Variants in SEC14L2 observed in about 807,000 individuals in gnomAD.
SEC14L2 encodes the protein SEC14-like protein 2.
SEC14L2 carries 50 observed loss-of-function variants against 56.9 expected under a neutral mutation model. The observed-to-expected ratio is 0.88, with a 90% confidence interval of 0.70 to 1.11. SEC14L2 has a LOEUF of 1.11. Among genes scored for constraint, SEC14L2 ranks in the 50% most tolerant of loss-of-function variants. The pLI is 0.00. For synonymous variants in SEC14L2, 179 were observed against 188.5 expected (o/e 0.95, Z 0.41); for missense variants, 414 against 500.7 (o/e 0.83, Z 1.65).
In SEC14L2 at chr22:30,409,253, T is replaced by C; in HGVS notation, c.490T>C (p.Trp164Arg). Residue 164 changes from tryptophan to arginine, a missense_variant, in exon 6 of 12, where the codon TGG (tryptophan) becomes CGG (arginine). Coordinates refer to ENST00000615189, the MANE Select transcript of SEC14L2 (RefSeq NM_012429.5). ...DCEGLGLKHL[W>R]KPAVEAYGEF... is the part of the protein sequence containing the mutation. ...CGAGGGGCTTGGCCTCAAGCATCTC[T>C]GGAAGCCTGCTGTGGAGGCCTATGG... The C allele has an allele frequency of 6.2e-7, 1 of 1,611,662 alleles. No individual in the cohort carries two copies. Among genetic ancestry groups the C allele is most frequent in the Non-Finnish European group, 8.5e-7 (1 of 1,179,496 alleles).
At position 30,422,386 on chromosome 22, in the gene SEC14L2, G is replaced by T; in HGVS notation, c.1191G>T (p.Leu397=). Residue 397 remains leucine, a synonymous_variant, in exon 12 of 12, where the codon CTG becomes CTT. Transcript: ENST00000615189. ...DKASEEKMKQ[L]GAGTPK is the part of the protein sequence containing the mutation. ...CCTCAGAAGAGAAGATGAAACAGCT[G>T]GGGGCAGGCACCCCGAAATAACACC... The T allele has an allele frequency of 6.2e-7, 1 of 1,614,192 alleles. No individual in the cohort carries two copies. The highest frequency in any genetic ancestry group is 8.5e-7 in the Non-Finnish European group (1 of 1,180,016).
At chr22:30,419,336 G>A (rs1286758907) in intron 11 of SEC14L2, among the ~76,000 whole-genome samples, 2 of 152,160 alleles carry the variant, frequency 1.3e-5, no homozygotes, top group Non-Finnish European at 2.9e-5. Flanking sequence ...TGGATCACTC[G>A]AGGCCAACAG....
At chr22:30,397,783 T>G (rs542292384) in intron 1 of SEC14L2, 87 of 465,648 alleles carry the variant, frequency 1.9e-4, no homozygotes, top group Admixed American at 5.3e-4. Context: ...GGTGTTAGTT[T>G]GAGCTGAGAC....
At chr22:30,402,904 C>A (rs1392825463) in intron 2 of SEC14L2, among the ~76,000 whole-genome samples, 2 of 151,752 alleles carry the variant, frequency 1.3e-5, no homozygotes, top group Non-Finnish European at 2.9e-5. Context: ...TATAGCAAGA[C>A]CCTGCCTCTA....
intron 11 of SEC14L2, among the ~76,000 whole-genome samples, chr22:30,419,957 CT>C (rs762892426): frequency 1.8e-3 from 252 of 136,938 alleles, no homozygotes; most frequent in Middle Eastern, 3.9e-3. Flanking sequence ...CTTTTCTTTT[CT>C]TTTTTTTTTT....
At chr22:30,402,574 C>A (rs967778149) in intron 2 of SEC14L2, among the ~76,000 whole-genome samples, 28 of 152,124 alleles carry the variant, frequency 1.8e-4, no homozygotes, top group Non-Finnish European at 5.9e-5. Context: ...AAACCTAGGA[C>A]TCCAGACTCC....
intron 8 of SEC14L2, among the ~76,000 whole-genome samples, chr22:30,412,858 A>C (rs569287884): frequency 2.0e-5 from 3 of 150,872 alleles, no homozygotes; most frequent in Non-Finnish European, 2.9e-5. Context: ...CAAAAAAAAA[A>C]CAAAAAAAAC....
chr22:30,410,156 C>A (rs1402782201), intron 7 of SEC14L2, among the ~76,000 whole-genome samples: 1 of 146,052 alleles, frequency 6.8e-6, no homozygotes, highest in African/African-American at 2.5e-5. Flanking sequence ...TGAGAGCTCA[C>A]TGAGGCTGAG....
intron 11 of SEC14L2, among the ~76,000 whole-genome samples, chr22:30,419,479 GT>G (rs1462275198): frequency 6.6e-6 from 1 of 152,198 alleles, no homozygotes; most frequent in Non-Finnish European, 1.5e-5. Flanking sequence ...GGAGGCGGAG[GT>G]TGCAGTAAGC....
Position 30,422,312 on chromosome 22 carries a change from C to A in SEC14L2, c.1117C>A (p.His373Asn). The A allele has an allele frequency of 6.2e-7, 1 of 1,614,214 alleles. No individual in the cohort carries two copies. Among genetic ancestry groups the A allele is most frequent in the Non-Finnish European group, 8.5e-7 (1 of 1,180,032 alleles). Residue 373 changes from histidine (H) to asparagine (N), a missense_variant, in exon 12 of 12, where the codon CAT (histidine) becomes AAT (asparagine). His to Asn is a moderately conservative substitution (Grantham distance 68). Transcript: ENST00000615189. ...GTTTGACAACACCTACAGCTTCATT[C>A]ATGCCAAGAAGGTCAATTTCACTGT... The part of the protein sequence containing the change: ...LRFDNTYSFI[H>N]AKKVNFTVEV...
intron 1 of SEC14L2, chr22:30,397,940 T>C: frequency 2.1e-6 from 1 of 467,612 alleles, no homozygotes. Context: ...ACCTTCCTCT[T>C]CACGAACTAA....
Position 30,406,954 on chromosome 22 carries a change from G to C in SEC14L2, c.175-141G>C. The C allele has an allele frequency of 1.0e-5, 7 of 680,382 alleles. No homozygotes were observed. In the South Asian group the frequency reaches 1.2e-4, roughly 12 times the overall value. 42.1% of individuals were successfully genotyped at this position (680,382 alleles called of 1,614,324 possible). ...TTTAGTAGGGACGGGATTTTGCCAT[G>C]TTGGCCAGGCTGGTCTTGAACTCCT... On this transcript the variant is annotated intron_variant, in intron 3 of 11. Coordinates refer to ENST00000615189, the MANE Select transcript of SEC14L2 (RefSeq NM_012429.5).
At position 30,399,628 on chromosome 22, in the gene SEC14L2, T is replaced by G. The variant is rs763139408; in HGVS notation, c.55-15T>G. On this transcript the variant is annotated splice_polypyrimidine_tract_variant and intron_variant, in intron 1 of 11. Coordinates refer to ENST00000615189, the MANE Select transcript of SEC14L2 (RefSeq NM_012429.5). ...GGGCGGGCCCTACCACTCACCCCGATGCCTCTCCCTACAGTTTCGGGAGAA... is the reference window on the plus strand; with the variant it reads ...GGGCGGGCCCTACCACTCACCCCGAGGCCTCTCCCTACAGTTTCGGGAGAA... 6.2e-7 allele frequency: 1 copy of G among 1,608,672 alleles called. No individual in the cohort carries two copies. Among genetic ancestry groups the G allele is most frequent in the Non-Finnish European group, 8.5e-7 (1 of 1,176,708 alleles).
At chr22:30,401,571 T>C (rs1400317005) in intron 2 of SEC14L2, among the ~76,000 whole-genome samples, 2 of 151,882 alleles carry the variant, frequency 1.3e-5, no homozygotes, top group Non-Finnish European at 2.9e-5. Context: ...TGGACTGCAA[T>C]GGTGCGATCT....
chr22:30,397,571 G>A, intron 1 of SEC14L2: 2 of 270,076 alleles, frequency 7.4e-6, no homozygotes, highest in Non-Finnish European at 1.4e-5. Flanking sequence ...AGGGTCAGTG[G>A]CACGATGGAA....
intron 11 of SEC14L2, chr22:30,420,660 A>T (rs1934492631): frequency 6.6e-6 from 1 of 152,216 alleles, no homozygotes; most frequent in Non-Finnish European, 1.5e-5. Context: ...CCATGAGGAA[A>T]GAGTGGGTGG....
At chr22:30,399,028 T>A (rs191117408) in intron 1 of SEC14L2, among the ~76,000 whole-genome samples, 2 of 152,196 alleles carry the variant, frequency 1.3e-5, no homozygotes, top group East Asian at 3.9e-4. Context: ...CGTATCAGAG[T>A]GCCTACTATC....
intron 8 of SEC14L2, among the ~76,000 whole-genome samples, chr22:30,414,764 T>TAA (rs546093091): frequency 4.3e-5 from 6 of 141,090 alleles, no homozygotes; most frequent in East Asian, 4.1e-4. Flanking sequence ...TTGGGTATTT[T>TAA]AAAAAAAAAA....
At chr22:30,419,004 C>T (rs1159454753) in intron 11 of SEC14L2, among the ~76,000 whole-genome samples, 2 of 152,142 alleles carry the variant, frequency 1.3e-5, no homozygotes, top group African/African-American at 2.4e-5. Flanking sequence ...TAATATTTAC[C>T]AAGGGCCTAC....
Sources: allele counts gnomAD v4.1 joint callset (sites outside exome capture counted in the v4.1 genomes callset), GRCh38; gene constraint gnomAD v4.1.1; transcripts MANE v1.5; gene names NCBI Gene and HGNC (gene_info 2026-07-23, HGNC 2026-07-21).